The following KLHDC3 variants were observed in gnomAD, a reference collection of about 807,000 sequenced individuals.
The protein encoded by KLHDC3 is kelch domain containing 3, also known as kelch domain-containing protein 3.
Under a neutral mutation model 44.1 loss-of-function variants are expected in KLHDC3, and 5 were observed. The ratio of observed to expected loss-of-function variants is 0.11; its 90% CI spans 0.06 to 0.24. The LOEUF (loss-of-function observed/expected upper bound fraction) is 0.24. Among genes scored for constraint, KLHDC3 ranks in the 10% least tolerant of loss-of-function variants. The pLI is 1.00. For missense variants in KLHDC3, 247 were observed against 514.3 expected, an observed-to-expected ratio of 0.48 and a Z score of 5.03; for synonymous variants, 170 against 189.0, an observed-to-expected ratio of 0.90 and a Z score of 0.82.
Position 43,017,435 on chromosome 6 carries a change from G to A in KLHDC3, c.155-84G>A. On this transcript the variant is annotated intron_variant, in intron 2 of 10. Coordinates refer to ENST00000326974, the MANE Select transcript of KLHDC3 (RefSeq NM_057161.4). The surrounding 1 kb of genome is among the most constrained non-coding windows in gnomAD (Gnocchi z 6.0). ...GTTTGGCTGTGGTCTCTGGGACCAA[G>A]GGGATTGGGGACAAACATCTGGTTT... 2 of 1,563,958 alleles carry A rather than the reference G, an allele frequency of 1.3e-6. No homozygotes were observed. Among genetic ancestry groups the A allele is most frequent in the Admixed American group, 1.8e-5 (1 of 56,554 alleles).
rs757511067 is a variant in KLHDC3 at position 43,018,860 on chromosome 6, C to T, written c.821-3C>T. The T allele has an allele frequency of 5.0e-6, 8 of 1,605,986 alleles. No individual in the cohort carries two copies. In the East Asian group the frequency reaches 1.3e-4, roughly 27 times the overall value. ...TTGAACTTCCATATAAATTTCTCTT[C>T]AGTGTCCTTTACCTGGAAAAAGATT... On this transcript the variant is annotated splice_region_variant and splice_polypyrimidine_tract_variant and intron_variant, in intron 7 of 10. Transcript: ENST00000326974. The surrounding 1 kb of genome is among the most constrained non-coding windows in gnomAD (Gnocchi z 6.0).
At chr6:43,020,640 T>C (rs1762670343) in intron 10 of KLHDC3, 27 bp from the exon 11 acceptor site, 1 of 1,596,718 alleles carries the variant, frequency 6.3e-7, no homozygotes, top group African/African-American at 1.3e-5. Flanking sequence ...CCCCTCTTCT[T>C]TCTGTCTCTT....
At position 43,017,377 on chromosome 6, in the gene KLHDC3, C is replaced by G. The variant is rs1762602671; in HGVS notation, c.154+31C>G. 3 of 1,598,606 alleles carry G rather than the reference C, an allele frequency of 1.9e-6. No homozygotes were observed. Among genetic ancestry groups the G allele is most frequent in the Non-Finnish European group, 2.6e-6 (3 of 1,169,702 alleles). On this transcript the variant is annotated intron_variant, in intron 2 of 10. Transcript: ENST00000326974. The surrounding 1 kb of genome is among the most constrained non-coding windows in gnomAD (Gnocchi z 6.0). ...CCAATGCTGGGGCTGTCCCTGGGTC[C>G]CCACATCAGGGTGGGAACGGGCTGC...
At position 43,018,234 on chromosome 6, in the gene KLHDC3, T is replaced by C. The variant is rs2150291940; in HGVS notation, c.519+18T>C. On this transcript the variant is annotated intron_variant, in intron 5 of 10. Transcript: ENST00000326974. This position sits in a 1 kb window ranked among gnomAD's most constrained non-coding sequence, Gnocchi z 6.0. Reference sequence around the variant, plus strand: ...GTACAAAGGTCTGCTCTTTCTTTTTTTTCCCAAATCCCCACCCTCTGTTGA... The same window carrying C: ...GTACAAAGGTCTGCTCTTTCTTTTTCTTCCCAAATCCCCACCCTCTGTTGA... 6.3e-7 allele frequency: 1 copy of C among 1,598,762 alleles called. No homozygotes were observed. Among genetic ancestry groups the C allele is most frequent in the South Asian group, 1.1e-5 (1 of 90,704 alleles).
chr6:43,020,610 C>T lies in KLHDC3; in HGVS notation c.1083-57C>T, dbSNP rs994443208. On this transcript the variant is annotated intron_variant, in intron 10 of 10. Transcript: ENST00000326974. ...GTGTTTTTAGCTTGGTTCAAACATC[C>T]CTTAGCTTGGGCTGAGGGCCCCCTC... is the stretch of plus-strand genomic sequence containing the variant. 6 of 1,397,702 alleles carry T rather than the reference C, an allele frequency of 4.3e-6. No individual in the cohort carries two copies. In the Admixed American group the frequency reaches 6.7e-5, roughly 16 times the overall value. The allele number at this position is 1,397,702 out of a possible 1,614,324, so 86.6% of individuals were successfully genotyped here.
intron 10 of KLHDC3, among the ~76,000 whole-genome samples, chr6:43,020,346 C>A (rs1454961477): frequency 1.3e-5 from 2 of 152,062 alleles, no homozygotes; most frequent in African/African-American, 2.4e-5. Flanking sequence ...TGGCTCTAAG[C>A]AAAGCAGGAA....
chr6:43,016,861 G>C (rs1297099532), intron 1 of KLHDC3: 4 of 341,792 alleles, frequency 1.2e-5, no homozygotes, highest in Non-Finnish European at 2.2e-5. Context: ...CGAGTAGGTT[G>C]TGACCATGAT....
At chr6:43,020,542 G>T in intron 10 of KLHDC3, 125 bp from the exon 11 acceptor site, 1 of 713,126 alleles carries the variant, frequency 1.4e-6, no homozygotes, top group Non-Finnish European at 2.5e-6. Flanking sequence ...TAAGTAAGAG[G>T]TGGCTGTGGG....
At chr6:43,019,640 C>T (rs541870426) in intron 10 of KLHDC3, among the ~76,000 whole-genome samples, 4 of 152,298 alleles carry the variant, frequency 2.6e-5, no homozygotes, top group Admixed American at 6.5e-5. Context: ...ATGCTGAGAA[C>T]AACTGATTAA....
At chr6:43,015,887 C>T (rs1177726788) in intron 1 of KLHDC3, among the ~76,000 whole-genome samples, 1 of 150,290 alleles carries the variant, frequency 6.7e-6, no homozygotes, top group Admixed American at 6.6e-5. Flanking sequence ...CATGACTTCT[C>T]ATGCTGGATC....
At chr6:43,015,819 G>T (rs982906558) in intron 1 of KLHDC3, among the ~76,000 whole-genome samples, 1 of 140,544 alleles carries the variant, frequency 7.1e-6, no homozygotes, top group Non-Finnish European at 1.5e-5. Flanking sequence ...GCACCATTGC[G>T]CTCCAGCCTG....
chr6:43,019,074 C>G lies in KLHDC3; in HGVS notation c.930-18C>G, dbSNP rs377354233. 37 of 1,608,416 alleles carry G rather than the reference C, an allele frequency of 2.3e-5. No individual in the cohort carries two copies. In the South Asian group the frequency reaches 3.4e-4, roughly 15 times the overall value. ...GGTAGTTTTTGTCCTACTTTCATCT[C>G]TCTTTTGATCCCGACAGTCCATCTC... On this transcript the variant is annotated intron_variant, in intron 8 of 10. Transcript: ENST00000326974.
At position 43,018,811 on chromosome 6, in the gene KLHDC3, G is replaced by A; in HGVS notation, c.821-52G>A. On this transcript the variant is annotated intron_variant, in intron 7 of 10. Coordinates refer to ENST00000326974, the MANE Select transcript of KLHDC3 (RefSeq NM_057161.4). The surrounding 1 kb of genome is among the most constrained non-coding windows in gnomAD (Gnocchi z 6.0). ...TGAGGCGGTGAGGGATGGGGGTGGG[G>A]AAGATACCTGGACTAGGCAGGTATT... The A allele has an allele frequency of 6.5e-7, 1 of 1,540,432 alleles. No individual in the cohort carries two copies. The highest frequency in any genetic ancestry group is 1.1e-5 in the South Asian group (1 of 89,580).
At position 43,017,643 on chromosome 6, in the gene KLHDC3, C is replaced by T. The variant is rs976184133; in HGVS notation, c.279C>T (p.Gly93=). The change falls in exon 3 of 11, where the codon GGC becomes GGT. Residue 93 remains glycine (G), a synonymous_variant. Transcript: ENST00000326974. This position sits in a 1 kb window ranked among gnomAD's most constrained non-coding sequence, Gnocchi z 6.0. The stretch of plus-strand genomic sequence containing the variant: ...TCGACGACACAGTCCTCCTTTGGGG[C>T]GGGCGGAATGACACCGAAGGGGCCT... ...VLIDDTVLLW[G]GRNDTEGACN... 1.5e-5 allele frequency: 25 copies of T among 1,613,892 alleles called. No individual in the cohort carries two copies. Among genetic ancestry groups the T allele is most frequent in the Non-Finnish European group, 2.0e-5 (24 of 1,179,966 alleles).
chr6:43,014,680 G>A (rs1298908049), intron 1 of KLHDC3: 1 of 454,728 alleles, frequency 2.2e-6, no homozygotes, highest in African/African-American at 2.0e-5. Flanking sequence ...GAAGAAGACA[G>A]GGATAGAGTC....
In KLHDC3 at chr6:43,017,153, G is replaced by A. The variant is rs570843542; in HGVS notation, c.-40G>A. 8 of 1,595,010 alleles carry A rather than the reference G, an allele frequency of 5.0e-6. No homozygotes were observed. Among genetic ancestry groups the A allele is most frequent in the East Asian group, 2.2e-5 (1 of 44,776 alleles). ...GTGCAGATAGCAGAGGCAGCAGGCC[G>A]TGCCGGGGGGGCATGTTGCTGTAAC... On this transcript the variant is annotated 5_prime_UTR_variant, in exon 2 of 11. In the 5' UTR this introduces an upstream ATG that the reference lacks. Coordinates refer to ENST00000326974, the MANE Select transcript of KLHDC3 (RefSeq NM_057161.4). The surrounding 1 kb of genome is among the most constrained non-coding windows in gnomAD (Gnocchi z 6.0).
chr6:43,018,222 CTCTT>C lies in KLHDC3; in HGVS notation c.519+12_519+15del. The C allele has an allele frequency of 6.9e-6, 11 of 1,604,904 alleles. No individual in the cohort carries two copies. The highest frequency in any genetic ancestry group is 7.7e-6 in the Non-Finnish European group (9 of 1,171,796). Reference sequence around the variant, plus strand: ...GGACTCTTATCTGTACAAAGGTCTGCTCTTTCTTTTTTTTCCCAAATCCCCACCC... The same window carrying C: ...GGACTCTTATCTGTACAAAGGTCTGCTCTTTTTTTTCCCAAATCCCCACCC... On this transcript the variant is annotated splice_region_variant and intron_variant, in intron 5 of 10. Coordinates refer to ENST00000326974, the MANE Select transcript of KLHDC3 (RefSeq NM_057161.4). The surrounding 1 kb of genome is among the most constrained non-coding windows in gnomAD (Gnocchi z 6.0).
Position 43,018,811 on chromosome 6 carries a change from G to C in KLHDC3, c.821-52G>C. 1 of 1,540,432 alleles carries C rather than the reference G, an allele frequency of 6.5e-7. No individual in the cohort carries two copies. Among genetic ancestry groups the C allele is most frequent in the Non-Finnish European group, 9.0e-7 (1 of 1,112,996 alleles). ...TGAGGCGGTGAGGGATGGGGGTGGGGAAGATACCTGGACTAGGCAGGTATT... is the reference window on the plus strand; with the variant it reads ...TGAGGCGGTGAGGGATGGGGGTGGGCAAGATACCTGGACTAGGCAGGTATT... On this transcript the variant is annotated intron_variant, in intron 7 of 10. Transcript: ENST00000326974. This position sits in a 1 kb window ranked among gnomAD's most constrained non-coding sequence, Gnocchi z 6.0.
intron 10 of KLHDC3, among the ~76,000 whole-genome samples, chr6:43,020,293 G>A (rs1762660355): frequency 1.3e-5 from 2 of 152,290 alleles, no homozygotes; most frequent in African/African-American, 2.4e-5. Flanking sequence ...TCCTGGTGGG[G>A]TGAGGCATTC....
Sources: gnomAD v4.1 joint callset for allele counts (sites outside exome capture counted in the v4.1 genomes callset) on GRCh38, gnomAD v4.1.1 for gene constraint, Gnocchi (gnomAD v3.1) non-coding constraint, MANE v1.5 for transcripts, NCBI Gene and HGNC (gene_info 2026-07-23, HGNC 2026-07-21) for gene names.